KIF13B: variants seen among roughly 807,000 people sequenced by gnomAD.
KIF13B encodes kinesin-like protein KIF13B.
KIF13B carries 127 observed loss-of-function variants against 222.0 expected under a neutral mutation model. That is an observed-to-expected ratio of 0.57 (90% CI 0.50 to 0.66). The LOEUF (loss-of-function observed/expected upper bound fraction) is 0.66, where lower values mean the gene tolerates loss of function less well. KIF13B is among the 30% of genes least tolerant of loss of function. KIF13B has a pLI of 0.00. For synonymous variants in KIF13B, 976 were observed against 919.0 expected (o/e 1.06, Z -1.12); for missense variants, 2,173 against 2,379.0 (o/e 0.91, Z 1.80).
rs1326187617 is a variant in KIF13B, at chr8:29,068,478, G to A, written c.*2026C>T. The A allele has an allele frequency of 5.3e-5, 8 of 151,908 alleles. No individual in the cohort carries two copies. Among genetic ancestry groups the A allele is most frequent in the Non-Finnish European group, 1.2e-4 (8 of 68,110 alleles). 9.4% of individuals were successfully genotyped at this position (151,908 alleles called of 1,614,324 possible). A position where few individuals can be genotyped will look rare whatever the true frequency, so the allele number is the denominator to read the frequency against. ...CCTGGGCCCAAATCCACCTGCTCAA[G>A]TCAGGAACTCTGGCTCGTTCTACTC... is the stretch of plus-strand genomic sequence containing the variant. On this transcript the variant is annotated 3_prime_UTR_variant, in exon 40 of 40. Coordinates refer to ENST00000524189, the MANE Select transcript of KIF13B (RefSeq NM_015254.4). The surrounding 1 kb of genome is among the most constrained non-coding windows in gnomAD (Gnocchi z 4.4).
At chr8:29,251,412 C>T (rs1408098719) in intron 1 of KIF13B, among the ~76,000 whole-genome samples, 6 of 152,112 alleles carry the variant, frequency 3.9e-5, no homozygotes, top group Admixed American at 6.5e-5. Context: ...AGAAACAAAA[C>T]GTATATACAT....
chr8:29,117,657 C>T (rs533467149), intron 30 of KIF13B, among the ~76,000 whole-genome samples: 1 of 152,124 alleles, frequency 6.6e-6, no homozygotes, highest in African/African-American at 2.4e-5. Context: ...TCCTCACTGT[C>T]AAGACTCAAG....
intron 2 of KIF13B, among the ~76,000 whole-genome samples, chr8:29,236,637 A>G (rs1038483646): frequency 1.3e-5 from 2 of 152,192 alleles, no homozygotes; most frequent in Non-Finnish European, 2.9e-5. Flanking sequence ...CCCATCCTAT[A>G]TAAGTTTTTA....
At position 29,075,687 on chromosome 8, in the gene KIF13B, C is replaced by T. The variant is rs914252885; in HGVS notation, c.4459-344G>A. The stretch of plus-strand genomic sequence containing the variant: ...AGGAAAGATACAGAAAGACTTCCGG[C>T]AGGAGGTGAAAGCCATGCCAGGCTC... On this transcript the variant is annotated intron_variant, in intron 37 of 39. Coordinates refer to ENST00000524189, the MANE Select transcript of KIF13B (RefSeq NM_015254.4). Among the ~76,000 whole-genome samples, 3 of 152,284 alleles carry T rather than the reference C, an allele frequency of 2.0e-5. No individual in the cohort carries two copies. In the South Asian group the frequency reaches 6.2e-4, roughly 32 times the overall value.
chr8:29,084,317 T>A (rs1031417697), intron 37 of KIF13B, among the ~76,000 whole-genome samples: 3 of 152,246 alleles, frequency 2.0e-5, no homozygotes, highest in Admixed American at 6.5e-5. Context: ...GCTCAAAACA[T>A]CATCCTTGTG....
Position 29,147,604 on chromosome 8 carries a change from T to C in KIF13B, c.1814-2A>G. ...TGTTTAATATGGACTGCATCGGATC[T>C]AAACACATTTTTAAAAAAGATACAT... On this transcript the variant is annotated splice_acceptor_variant, in intron 16 of 39. Transcript: ENST00000524189. LOFTEE classifies it high-confidence loss of function. 1 of 1,602,852 alleles carries C rather than the reference T, an allele frequency of 6.2e-7. No individual in the cohort carries two copies. The highest frequency in any genetic ancestry group is 8.5e-7 in the Non-Finnish European group (1 of 1,172,082).
At chr8:29,261,328 GA>G (rs1277084708) in intron 1 of KIF13B, among the ~76,000 whole-genome samples, 1 of 152,202 alleles carries the variant, frequency 6.6e-6, no homozygotes, top group Non-Finnish European at 1.5e-5. Context: ...ATTTATAAGA[GA>G]AAAGCATAAG....
chr8:29,220,734 G>A (rs1158383404), intron 2 of KIF13B, among the ~76,000 whole-genome samples: 1 of 152,132 alleles, frequency 6.6e-6, no homozygotes, highest in Non-Finnish European at 1.5e-5. Flanking sequence ...TTGTAAAAGA[G>A]CGCAGGAAGG....
intron 10 of KIF13B, among the ~76,000 whole-genome samples, chr8:29,170,111 A>C (rs73560704): frequency 1.3e-5 from 2 of 152,164 alleles, no homozygotes; most frequent in Admixed American, 1.3e-4. Flanking sequence ...AAGAACTGGC[A>C]CTCATTCAAG....
chr8:29,262,697 A>T (rs897412824), intron 1 of KIF13B, among the ~76,000 whole-genome samples: 5 of 150,942 alleles, frequency 3.3e-5, no homozygotes, highest in Non-Finnish European at 7.4e-5. Flanking sequence ...ACGAGAGGGC[A>T]AAAGGGCGCA....
At chr8:29,095,658 T>C (rs967566906) in intron 36 of KIF13B, among the ~76,000 whole-genome samples, 3 of 152,046 alleles carry the variant, frequency 2.0e-5, no homozygotes, top group South Asian at 2.1e-4. Context: ...TCCCAGCTAC[T>C]TGGGAGGCTG....
chr8:29,153,140 G>A (rs1438554982), intron 14 of KIF13B, among the ~76,000 whole-genome samples: 1 of 152,124 alleles, frequency 6.6e-6, no homozygotes, highest in Non-Finnish European at 1.5e-5. Context: ...TGAAGTATTA[G>A]AGATCAATAA....
At chr8:29,136,640 C>T (rs1810570882) in intron 21 of KIF13B, among the ~76,000 whole-genome samples, 1 of 151,712 alleles carries the variant, frequency 6.6e-6, no homozygotes, top group Admixed American at 6.6e-5. Context: ...ACCCACTTAT[C>T]AGCTTGTGTG....
In KIF13B at chr8:29,221,758, T is replaced by C. The variant is rs1019413727; in HGVS notation, c.149+23588A>G. Among the ~76,000 whole-genome samples, 4 of 152,208 alleles carry C rather than the reference T, an allele frequency of 2.6e-5. No individual in the cohort carries two copies. The East Asian group carries it at 5.8e-4, about 22-fold the overall frequency. Reference sequence around the variant, plus strand: ...TGTACAAGATTTTTCAAAATTAAGTTTGAATAGTTGCAAAGGATAATGCCC... The same window carrying C: ...TGTACAAGATTTTTCAAAATTAAGTCTGAATAGTTGCAAAGGATAATGCCC... On this transcript the variant is annotated intron_variant, in intron 2 of 39. Transcript: ENST00000524189.
chr8:29,216,614 A>G (rs1351633581), intron 2 of KIF13B, among the ~76,000 whole-genome samples: 1 of 145,898 alleles, frequency 6.9e-6, no homozygotes, highest in Non-Finnish European at 1.5e-5. Context: ...AGATTTTTTT[A>G]ATTAAAAAAA....
intron 1 of KIF13B, among the ~76,000 whole-genome samples, chr8:29,259,398 C>T (rs1030076685): frequency 2.0e-4 from 30 of 152,260 alleles, no homozygotes; most frequent in African/African-American, 6.3e-4. Flanking sequence ...TTTCGTTTCC[C>T]GGTTCTACCC....
rs200282537 is a variant in KIF13B, at chr8:29,113,453, T to C, written c.3930+10A>G. The C allele has an allele frequency of 1.3e-4, 196 of 1,507,546 alleles. No homozygotes were observed. Among genetic ancestry groups the C allele is most frequent in the Non-Finnish European group, 1.7e-4 (189 of 1,103,892 alleles). 93.4% of individuals were successfully genotyped at this position (1,507,546 alleles called of 1,614,324 possible). On this transcript the variant is annotated intron_variant, in intron 32 of 39. Transcript: ENST00000524189. Reference sequence around the variant, plus strand: ...TTATTTTTAGTAAATTTAAATTGTATATCCTTCACCTCTGGAATATTGGAG... The same window carrying C: ...TTATTTTTAGTAAATTTAAATTGTACATCCTTCACCTCTGGAATATTGGAG...
At position 29,162,152 on chromosome 8, in the gene KIF13B, T is replaced by C. The variant is rs115090815; in HGVS notation, c.1270-1285A>G. The stretch of plus-strand genomic sequence containing the variant: ...GGGCTGGAGAGGGTATCTTCGACTA[T>C]GGGTAAATAGCAAGTAGCAATGAGT... On this transcript the variant is annotated intron_variant, in intron 12 of 39. Transcript: ENST00000524189. 2.4e-3 allele frequency among the ~76,000 whole-genome samples: 371 copies of C among 152,284 alleles called. 2 individuals are homozygous for C. The highest frequency in any genetic ancestry group is 8.5e-3 in the African/African-American group (354 of 41,554).
At chr8:29,139,202 C>A (rs567557354) in intron 21 of KIF13B, among the ~76,000 whole-genome samples, 1 of 152,104 alleles carries the variant, frequency 6.6e-6, no homozygotes, top group Non-Finnish European at 1.5e-5. Flanking sequence ...ATTTTAACCT[C>A]ATTTTAGGAA....
Sources: gnomAD v4.1 joint callset for allele counts (sites outside exome capture counted in the v4.1 genomes callset) on GRCh38, gnomAD v4.1.1 for gene constraint, Gnocchi (gnomAD v3.1) non-coding constraint, MANE v1.5 for transcripts, NCBI Gene and HGNC (gene_info 2026-07-23, HGNC 2026-07-21) for gene names.